The following RBFOX1 variants were observed in gnomAD, a reference collection of about 807,000 sequenced individuals.
The protein encoded by RBFOX1 is RNA binding protein fox-1 homolog 1.
A neutral mutation model predicts 57.7 loss-of-function variants in RBFOX1; 8 were observed. The ratio of observed to expected loss-of-function variants is 0.14; its 90% CI spans 0.08 to 0.25. The LOEUF (loss-of-function observed/expected upper bound fraction) is 0.25. RBFOX1 is among the 10% of genes least tolerant of loss of function. The probability of loss-of-function intolerance (pLI) is 1.00; values close to 1 mark genes in which losing one functional copy is unlikely to be tolerated. For synonymous variants in RBFOX1, 326 were observed against 222.4 expected (o/e 1.47, Z -4.15); for missense variants, 611 against 548.5 (o/e 1.11, Z -1.14).
At chr16:7,555,205 G>A (rs901091604) in intron 5 of RBFOX1, among the ~76,000 whole-genome samples, 4 of 152,140 alleles carry the variant, frequency 2.6e-5, no homozygotes, top group Admixed American at 6.5e-5. Flanking sequence ...TGCTGAAACA[G>A]AAATCATTTC....
chr16:7,510,128 T>G, intron 4 of RBFOX1: 3 of 985,798 alleles, frequency 3.0e-6, no homozygotes, highest in Non-Finnish European at 2.4e-6. Flanking sequence ...AGTCAGATGT[T>G]GAGGGGGAGG....
At chr16:6,955,689 G>GTATTTATT (rs58578302) in intron 3 of RBFOX1, among the ~76,000 whole-genome samples, 8,105 of 118,576 alleles carry the variant, frequency 0.068, 281 homozygotes, top group African/African-American at 0.1. Flanking sequence ...AGGTATGTAT[G>GTATTTATT]TATTTATTTA....
chr16:6,812,519 A>C, intron 3 of RBFOX1, among the ~76,000 whole-genome samples: 1 of 152,032 alleles, frequency 6.6e-6, no homozygotes, highest in East Asian at 1.9e-4. Flanking sequence ...GATTACAGGC[A>C]CATGACACCA....
chr16:6,883,921 C>T (rs916534682), intron 3 of RBFOX1, among the ~76,000 whole-genome samples: 24 of 152,136 alleles, frequency 1.6e-4, no homozygotes, highest in African/African-American at 4.6e-4. Context: ...AACATCTTTA[C>T]CCCAGGTACA....
At chr16:6,877,166 G>C (rs60727388) in intron 3 of RBFOX1, among the ~76,000 whole-genome samples, 3 of 152,106 alleles carry the variant, frequency 2.0e-5, no homozygotes, top group Admixed American at 6.5e-5. Flanking sequence ...AATGAAAAAA[G>C]ATATCTTATT....
intron 1 of RBFOX1, among the ~76,000 whole-genome samples, chr16:6,164,686 C>T (rs1051707373): frequency 6.6e-4 from 100 of 151,916 alleles, no homozygotes; most frequent in African/African-American, 2.3e-3. Context: ...GCTATTTGGC[C>T]GGGCTGGTCT....
At chr16:5,315,645 G>T (rs4786670) in intron 1 of RBFOX1, among the ~76,000 whole-genome samples, 86,636 of 152,086 alleles carry the variant, frequency 0.57, 27,157 homozygotes, top group South Asian at 0.73. Context: ...CAGAAAGTGC[G>T]TTTGCAAGGA....
chr16:6,859,490 C>G (rs1267613918), intron 3 of RBFOX1, among the ~76,000 whole-genome samples: 3 of 151,930 alleles, frequency 2.0e-5, no homozygotes, highest in African/African-American at 4.8e-5. Context: ...TTGTTCAAGT[C>G]TACTGCCCTA....
At chr16:7,478,219 C>T (rs1013884815) in intron 4 of RBFOX1, among the ~76,000 whole-genome samples, 4 of 152,196 alleles carry the variant, frequency 2.6e-5, no homozygotes, top group Non-Finnish European at 5.9e-5. Context: ...TTGCTACCTT[C>T]ATGTAATGTA....
intron 2 of RBFOX1, among the ~76,000 whole-genome samples, chr16:6,522,476 A>G (rs575005485): frequency 6.6e-6 from 1 of 152,284 alleles, no homozygotes; most frequent in South Asian, 2.1e-4. Context: ...ACTTCAGTCA[A>G]TGAAATTAGA....
At chr16:6,757,833 G>C (rs1370782572) in intron 3 of RBFOX1, among the ~76,000 whole-genome samples, 1 of 152,158 alleles carries the variant, frequency 6.6e-6, no homozygotes, top group Non-Finnish European at 1.5e-5. Context: ...AAATGTTTGA[G>C]GTGATGGATA....
chr16:6,105,523 C>G (rs1322737620), intron 1 of RBFOX1, among the ~76,000 whole-genome samples: 1 of 152,130 alleles, frequency 6.6e-6, no homozygotes. Flanking sequence ...AAAGCAAAGA[C>G]AATCCCAAAA....
intron 3 of RBFOX1, among the ~76,000 whole-genome samples, chr16:6,662,770 G>C (rs566926167): frequency 6.6e-6 from 1 of 152,054 alleles, no homozygotes; most frequent in East Asian, 1.9e-4. Flanking sequence ...GAATGACAGT[G>C]TTTTACTTTT....
chr16:7,485,531 TG>T (rs1487306138), intron 4 of RBFOX1, among the ~76,000 whole-genome samples: 2 of 152,196 alleles, frequency 1.3e-5, no homozygotes, highest in African/African-American at 4.8e-5. Context: ...GAGCTGAGGA[TG>T]TGGCCTTTGT....
At chr16:5,606,039 C>G (rs2047566006) in intron 3 of RBFOX1, among the ~76,000 whole-genome samples, 1 of 152,174 alleles carries the variant, frequency 6.6e-6, no homozygotes, top group African/African-American at 2.4e-5. Flanking sequence ...TACTCTCAAT[C>G]TGAAGTTAGC....
chr16:6,506,642 T>A (rs1157693258), intron 2 of RBFOX1, among the ~76,000 whole-genome samples: 1 of 54,638 alleles, frequency 1.8e-5, no homozygotes, highest in Non-Finnish European at 3.8e-5. Context: ...TTTTTTTTTT[T>A]TTTTTTTTTT....
In RBFOX1 at chr16:5,971,785, T is replaced by C. The variant is rs542608797; in HGVS notation, c.351+104450T>C. Reference sequence around the variant, plus strand: ...TTTATGTGTCAAGCTGACTAGGCCATGGGGTGCCCAGATATTTGGTCAAAT... The same window carrying C: ...TTTATGTGTCAAGCTGACTAGGCCACGGGGTGCCCAGATATTTGGTCAAAT... On this transcript the variant is annotated intron_variant, in intron 4 of 19. Coordinates refer to the RBFOX1 transcript ENST00000641259. Among the ~76,000 whole-genome samples the C allele has an allele frequency of 2.0e-5, 3 of 152,322 alleles. No individual in the cohort carries two copies. The South Asian group carries it at 6.2e-4, about 32-fold the overall frequency.
At chr16:7,699,631 C>T (rs1015595436) in intron 14 of RBFOX1, among the ~76,000 whole-genome samples, 7 of 152,022 alleles carry the variant, frequency 4.6e-5, no homozygotes, top group Non-Finnish European at 7.4e-5. Flanking sequence ...GCTGGATTTC[C>T]AAAACTTAGT....
Position 6,113,997 on chromosome 16 carries a change from G to A in RBFOX1, c.-127+94005G>A, listed in dbSNP as rs1042466370. ...TTTCTGTCAAAGAGGTTTCACTTAG[G>A]ACTAAGCATGACTATTCAAACTACT... On this transcript the variant is annotated intron_variant, in intron 1 of 15. Coordinates refer to ENST00000550418, the MANE Select transcript of RBFOX1 (RefSeq NM_018723.4). 2.0e-5 allele frequency among the ~76,000 whole-genome samples: 3 copies of A among 152,102 alleles called. No individual in the cohort carries two copies. The East Asian group carries it at 5.8e-4, about 29-fold the overall frequency.
Sources: gnomAD v4.1 joint callset for allele counts (sites outside exome capture counted in the v4.1 genomes callset) on GRCh38, gnomAD v4.1.1 for gene constraint, MANE v1.5 for transcripts, NCBI Gene and HGNC (gene_info 2026-07-23, HGNC 2026-07-21) for gene names.